NAV2: variants seen among roughly 807,000 people sequenced by gnomAD.
NAV2 encodes helicase, APC down-regulated 1.
A neutral mutation model predicts 223.2 loss-of-function variants in NAV2; 54 were observed. The observed-to-expected ratio is 0.24, with a 90% CI of 0.19 to 0.30. The LOEUF (loss-of-function observed/expected upper bound fraction) is 0.30. Among genes scored for constraint, NAV2 ranks in the 10% least tolerant of loss-of-function variants. The pLI is 1.00. For missense variants in NAV2, 2,806 were observed against 3,147.5 expected (o/e 0.89, Z 2.60); for synonymous variants, 1,279 against 1,239.3 (o/e 1.03, Z -0.67).
At chr11:20,019,316 A>G (rs1181465239) in intron 11 of NAV2, among the ~76,000 whole-genome samples, 1 of 152,186 alleles carries the variant, frequency 6.6e-6, no homozygotes, top group African/African-American at 2.4e-5. Flanking sequence ...AATGGATTAC[A>G]TCGGAGGCAA....
intron 1 of NAV2, among the ~76,000 whole-genome samples, chr11:19,738,207 C>G (rs2052492417): frequency 6.6e-6 from 1 of 152,224 alleles, no homozygotes; most frequent in Non-Finnish European, 1.5e-5. Context: ...AGAGAGTTCC[C>G]TCAGGGGGCC....
At chr11:19,573,890 T>A (rs1353439440) in intron 1 of NAV2, among the ~76,000 whole-genome samples, 1 of 152,152 alleles carries the variant, frequency 6.6e-6, no homozygotes. Context: ...CCAAGTGCTT[T>A]CAGCACTTGG....
rs76551078 is a variant in NAV2 at position 19,690,899 on chromosome 11, C to T, written c.76-141585C>T. ...GAGCCAGAAGTAGAACCCAGATCCC[C>T]GATTTTCAGCACACACCAAAGCTTT... On this transcript the variant is annotated intron_variant, in intron 1 of 37. Transcript: ENST00000360655. 9.4e-3 allele frequency among the ~76,000 whole-genome samples: 1,434 copies of T among 152,274 alleles called. 14 individuals carry two copies. The highest frequency in any genetic ancestry group is 0.015 in the Non-Finnish European group (1,002 of 68,008).
chr11:20,114,573 CTTCT>C lies in NAV2; in HGVS notation c.6961-16_6961-13del. Reference sequence around the variant, plus strand: ...GATCTGGGCCACTTCCAGACTGTTCCTTCTTTGCCTGTTTTCAGCTCTATGGAAG... The same window carrying C: ...GATCTGGGCCACTTCCAGACTGTTCCTTGCCTGTTTTCAGCTCTATGGAAG... On this transcript the variant is annotated splice_polypyrimidine_tract_variant and intron_variant, in intron 36 of 37. Transcript: ENST00000349880. 13 of 1,613,254 alleles carry C rather than the reference CTTCT, an allele frequency of 8.1e-6. No homozygotes were observed. The highest frequency in any genetic ancestry group is 1.0e-5 in the Non-Finnish European group (12 of 1,179,564).
chr11:19,524,966 T>G (rs935984243), intron 1 of NAV2, among the ~76,000 whole-genome samples: 10 of 152,224 alleles, frequency 6.6e-5, no homozygotes, highest in African/African-American at 2.2e-4. Flanking sequence ...AGTTTGGAGA[T>G]GTGGGGTTTT....
chr11:19,381,815 GAA>G (rs1848846958), intron 1 of NAV2, among the ~76,000 whole-genome samples: 1 of 152,218 alleles, frequency 6.6e-6, no homozygotes, highest in Non-Finnish European at 1.5e-5. Context: ...TGGAGCCAGA[GAA>G]AGAGAGATGG....
At position 20,118,324 on chromosome 11, in the gene NAV2, C is replaced by G. The variant is rs1448176985; in HGVS notation, c.*66C>G. On this transcript the variant is annotated 3_prime_UTR_variant, in exon 38 of 38. Coordinates refer to ENST00000349880, the MANE Select transcript of NAV2 (RefSeq NM_145117.5). Reference sequence around the variant, plus strand: ...CATTCCACCTGCATCCCCCACATCACCCTGAAGATGACTTCCTGAGCCAGC... The same window carrying G: ...CATTCCACCTGCATCCCCCACATCAGCCTGAAGATGACTTCCTGAGCCAGC... 6.4e-7 allele frequency: 1 copy of G among 1,571,038 alleles called. No homozygotes were observed. The highest frequency in any genetic ancestry group is 1.3e-5 in the African/African-American group (1 of 74,094).
intron 1 of NAV2, among the ~76,000 whole-genome samples, chr11:19,703,747 A>G (rs914362137): frequency 6.6e-6 from 1 of 152,234 alleles, no homozygotes; most frequent in African/African-American, 2.4e-5. Flanking sequence ...GTGTTGTGAG[A>G]GCAAAGCCTT....
intron 5 of NAV2, among the ~76,000 whole-genome samples, chr11:19,880,332 G>C (rs1414600624): frequency 6.6e-6 from 1 of 152,174 alleles, no homozygotes; most frequent in African/African-American, 2.4e-5. Context: ...TACTTTTATA[G>C]GTCAGAATTG....
At chr11:19,497,686 C>A (rs1488197737) in intron 1 of NAV2, among the ~76,000 whole-genome samples, 1 of 152,094 alleles carries the variant, frequency 6.6e-6, no homozygotes, top group African/African-American at 2.4e-5. Flanking sequence ...ATTTTGCTAA[C>A]CTACAGGTGA....
intron 1 of NAV2, among the ~76,000 whole-genome samples, chr11:19,677,220 G>C (rs976495838): frequency 2.0e-5 from 3 of 152,230 alleles, no homozygotes. Flanking sequence ...AATCCAACCT[G>C]GATTGCTGCA....
chr11:19,926,919 A>T (rs892146912), intron 6 of NAV2, among the ~76,000 whole-genome samples: 1 of 152,190 alleles, frequency 6.6e-6, no homozygotes, highest in African/African-American at 2.4e-5. Context: ...CTAACTGAAA[A>T]GCTGGGGACA....
intron 1 of NAV2, among the ~76,000 whole-genome samples, chr11:19,448,893 A>C (rs1204018085): frequency 6.6e-6 from 1 of 152,220 alleles, no homozygotes; most frequent in Non-Finnish European, 1.5e-5. Context: ...CCAGAAAGTC[A>C]ATGTGCTCTC....
intron 1 of NAV2, among the ~76,000 whole-genome samples, chr11:19,452,534 C>T (rs145958475): frequency 6.6e-5 from 10 of 152,246 alleles, no homozygotes; most frequent in South Asian, 4.2e-4. Context: ...CTTGATTTAC[C>T]GTTGGGTTAC....
rs140447687 is a variant in NAV2, at chr11:19,992,790, T to C, written c.2768+8543T>C. ...TTGCTTTTTGGTAGAGACAGGGTTT[T>C]GCCATGTTGGCCAGGCTGGTCTTGA... is the stretch of plus-strand genomic sequence containing the variant. On this transcript the variant is annotated intron_variant, in intron 11 of 37. Transcript: ENST00000349880. Among the ~76,000 whole-genome samples, 373 of 152,162 alleles carry C rather than the reference T, an allele frequency of 2.5e-3. 2 individuals are homozygous for C. Among genetic ancestry groups the C allele is most frequent in the African/African-American group, 8.5e-3 (353 of 41,522 alleles).
chr11:20,053,513 T>G (rs907930110), intron 17 of NAV2, among the ~76,000 whole-genome samples: 1 of 152,256 alleles, frequency 6.6e-6, no homozygotes, highest in East Asian at 1.9e-4. Flanking sequence ...ACATAACTTC[T>G]GAAGACCCTC....
intron 8 of NAV2, among the ~76,000 whole-genome samples, chr11:19,943,673 G>T (rs2046591058): frequency 6.6e-6 from 1 of 152,072 alleles, no homozygotes. Context: ...AATTCTACTT[G>T]CTGCTGCTTG....
chr11:19,413,019 C>G (rs976268401), intron 1 of NAV2, among the ~76,000 whole-genome samples: 3 of 152,152 alleles, frequency 2.0e-5, no homozygotes, highest in Non-Finnish European at 4.4e-5. Context: ...GACCTCTTCC[C>G]CTACAAAGGA....
intron 1 of NAV2, among the ~76,000 whole-genome samples, chr11:19,354,382 A>T (rs891407120): frequency 6.6e-6 from 1 of 152,206 alleles, no homozygotes; most frequent in African/African-American, 2.4e-5. Context: ...AATTTTATTG[A>T]GTTATAATTA....
Sources: gnomAD v4.1 joint callset for allele counts (sites outside exome capture counted in the v4.1 genomes callset) on GRCh38, gnomAD v4.1.1 for gene constraint, MANE v1.5 for transcripts, NCBI Gene and HGNC (gene_info 2026-07-23, HGNC 2026-07-21) for gene names.